BSDC1: variants seen among roughly 807,000 people sequenced by gnomAD.
BSDC1 encodes the protein BSD domain-containing protein 1.
A neutral mutation model predicts 56.0 loss-of-function variants in BSDC1; 29 were observed. The observed-to-expected ratio is 0.52, with a 90% confidence interval of 0.39 to 0.71. The LOEUF is 0.71. BSDC1 is among the 30% of genes least tolerant of loss of function. The probability of loss-of-function intolerance (pLI) is 0.00; values close to 1 mark genes in which losing one functional copy is unlikely to be tolerated. For synonymous variants in BSDC1, 210 were observed against 215.3 expected (o/e 0.98, Z 0.21); for missense variants, 477 against 548.5 (o/e 0.87, Z 1.30).
Position 32,383,828 on chromosome 1 carries a change from ACCTT to A in BSDC1, c.355_357+1del. 6.2e-7 allele frequency: 1 copy of A among 1,612,032 alleles called. No homozygotes were observed. The highest frequency in any genetic ancestry group is 8.5e-7 in the Non-Finnish European group (1 of 1,179,900). ...TCTGCAGGGGAGACTGTCAGTGAAT[ACCTT>A]GGTGCCATCATAGGGCTCAGCTGTG... On this transcript the variant is annotated splice_donor_variant and coding_sequence_variant, in exon 4 of 11. Coordinates refer to ENST00000455895, the MANE Select transcript of BSDC1 (RefSeq NM_018045.8). LOFTEE classifies it high-confidence loss of function.
At chr1:32,367,762 T>A in intron 10 of BSDC1, 1 of 921,976 alleles carries the variant, frequency 1.1e-6, no homozygotes, top group Non-Finnish European at 1.3e-6. Context: ...GTGGGGTTTA[T>A]CACTAATGTC....
chr1:32,369,375 T>C, intron 9 of BSDC1: 1 of 1,103,614 alleles, frequency 9.1e-7, no homozygotes, highest in Non-Finnish European at 1.2e-6. Context: ...GGCATGGTAG[T>C]ACACACCTAA....
chr1:32,385,326 A>G (rs1327104642), intron 3 of BSDC1, among the ~76,000 whole-genome samples: 2 of 152,150 alleles, frequency 1.3e-5, no homozygotes, highest in South Asian at 2.1e-4. Context: ...AAAACTACCT[A>G]TGGGGTACTA....
intron 9 of BSDC1, among the ~76,000 whole-genome samples, chr1:32,370,228 T>C (rs537963628): frequency 3.3e-5 from 5 of 152,324 alleles, no homozygotes; most frequent in South Asian, 2.1e-4. Flanking sequence ...TCCGCCTGCT[T>C]TGACCTCCCA....
At chr1:32,381,417 G>GCCCCACTCTCT in intron 4 of BSDC1, 149 bp from the exon 5 acceptor site, 2 of 775,676 alleles carry the variant, frequency 2.6e-6, no homozygotes, top group Non-Finnish European at 4.3e-6. Context: ...TTAGCACTGT[G>GCCCCACTCTCT]GCACAGAGAG....
chr1:32,386,644 CA>C (rs1642681719), intron 3 of BSDC1, 134 bp downstream of exon 3: 2 of 547,524 alleles, frequency 3.7e-6, no homozygotes, highest in Non-Finnish European at 6.2e-6. Context: ...ACAATTCTTT[CA>C]AAATGGGAGG....
rs1642372188 is a variant in BSDC1 at position 32,378,464 on chromosome 1, G to C, written c.529-181C>G. 6.6e-6 allele frequency among the ~76,000 whole-genome samples: 1 copy of C among 152,202 alleles called. No homozygotes were observed. The highest frequency in any genetic ancestry group is 1.5e-5 in the Non-Finnish European group (1 of 68,038). Reference sequence around the variant, plus strand: ...CAGCCAGACCCACCTTCCTAGTCCGGGTTGGCCAAGGAGTGAGAAAAGAAC... The same window carrying C: ...CAGCCAGACCCACCTTCCTAGTCCGCGTTGGCCAAGGAGTGAGAAAAGAAC... On this transcript the variant is annotated intron_variant, in intron 6 of 10. Coordinates refer to ENST00000455895, the MANE Select transcript of BSDC1 (RefSeq NM_018045.8). This position sits in a 1 kb window ranked among gnomAD's most constrained non-coding sequence, Gnocchi z 5.2.
intron 9 of BSDC1, among the ~76,000 whole-genome samples, chr1:32,373,360 T>A (rs1642164602): frequency 6.6e-6 from 1 of 152,164 alleles, no homozygotes; most frequent in South Asian, 2.1e-4. Context: ...CCATCCAGTC[T>A]CCAACCACTA....
At chr1:32,376,766 A>G (rs375885990) in intron 8 of BSDC1, 25 bp from the exon 9 acceptor site, 19 of 1,340,332 alleles carry the variant, frequency 1.4e-5, no homozygotes, top group African/African-American at 2.9e-5. Flanking sequence ...AGGGAGGGGC[A>G]AGAGGGAAAT....
At chr1:32,368,234 T>G (rs966822321) in intron 10 of BSDC1, 1 of 1,473,754 alleles carries the variant, frequency 6.8e-7, no homozygotes, top group African/African-American at 1.4e-5. Context: ...GTCAAGAACT[T>G]GACCCTCTAT....
intron 2 of BSDC1, among the ~76,000 whole-genome samples, chr1:32,387,428 G>A (rs1198199114): frequency 6.6e-6 from 1 of 150,892 alleles, no homozygotes; most frequent in African/African-American, 2.4e-5. Flanking sequence ...CGCAACCTCC[G>A]CCTCCCGGGT....
At chr1:32,373,645 C>T (rs180888833) in intron 9 of BSDC1, among the ~76,000 whole-genome samples, 22 of 152,268 alleles carry the variant, frequency 1.4e-4, no homozygotes, top group African/African-American at 4.3e-4. Flanking sequence ...CTCAGCCTCC[C>T]GAGTAGCTGG....
chr1:32,384,028 G>A (rs769241104), intron 3 of BSDC1, 31 bp from the exon 4 acceptor site: 10 of 1,612,616 alleles, frequency 6.2e-6, no homozygotes, highest in East Asian at 2.2e-5. Flanking sequence ...GGAAGCAAGC[G>A]CCCCGGGAAC....
chr1:32,376,833 C>G (rs1363205050), intron 8 of BSDC1, 92 bp from the exon 9 acceptor site: 15 of 1,279,388 alleles, frequency 1.2e-5, no homozygotes, highest in Non-Finnish European at 1.4e-5. Context: ...CCAAAGTGTA[C>G]TCTGATCAAG....
intron 4 of BSDC1, among the ~76,000 whole-genome samples, chr1:32,382,226 C>CAAAA (rs577563299): frequency 1.7e-5 from 1 of 60,164 alleles, no homozygotes; most frequent in African/African-American, 6.0e-5. Context: ...GACTCCATCT[C>CAAAA]AAAAAAAAAA....
Position 32,378,360 on chromosome 1 carries a change from T to G in BSDC1, c.529-77A>C. ...CTGTGTCCCCAGCCTTATCAGTCTA[T>G]TCCCAGCCAGTCTGGATTTCAGACC... On this transcript the variant is annotated intron_variant, in intron 6 of 10. Transcript: ENST00000455895. The surrounding 1 kb of genome is among the most constrained non-coding windows in gnomAD (Gnocchi z 5.2). The G allele has an allele frequency of 7.1e-7, 1 of 1,412,876 alleles. No individual in the cohort carries two copies. Among genetic ancestry groups the G allele is most frequent in the Non-Finnish European group, 1.0e-6 (1 of 1,002,486 alleles). The allele number at this position is 1,412,876 out of a possible 1,614,324, so 87.5% of individuals were successfully genotyped here.
chr1:32,376,463 G>A lies in BSDC1; in HGVS notation c.955C>T (p.Leu319=), dbSNP rs2148120590. The change falls in exon 9 of 11, where the codon CTG becomes TTG. Residue 319 remains leucine (L), a synonymous_variant. Transcript: ENST00000455895. ...LLEASLEEQG[L]AVDVGETGPS... ...CCAGTCTCACCCACATCCACAGCCA[G>A]GCCCTGTTCCTCCAAGGATGCCTCT... 1 of 1,612,768 alleles carries A rather than the reference G, an allele frequency of 6.2e-7. No homozygotes were observed. Among genetic ancestry groups the A allele is most frequent in the Non-Finnish European group, 8.5e-7 (1 of 1,178,976 alleles).
chr1:32,366,895 C>A (rs1641874644), intron 10 of BSDC1: 2 of 1,240,104 alleles, frequency 1.6e-6, no homozygotes, highest in South Asian at 7.0e-5. Context: ...AACACTTCCC[C>A]CAACCAACAC....
intron 2 of BSDC1, among the ~76,000 whole-genome samples, chr1:32,389,023 C>T (rs1023152413): frequency 1.3e-5 from 2 of 149,296 alleles, no homozygotes; most frequent in Admixed American, 1.3e-4. Flanking sequence ...GGCGCGATCT[C>T]TGCTCACTGC....
Sources: allele counts gnomAD v4.1 joint callset (sites outside exome capture counted in the v4.1 genomes callset), GRCh38; gene constraint gnomAD v4.1.1; non-coding constraint Gnocchi (gnomAD v3.1); transcripts MANE v1.5; gene names NCBI Gene and HGNC (gene_info 2026-07-23, HGNC 2026-07-21).